Variants in KIF6 observed in about 807,000 individuals in gnomAD.
The protein encoded by KIF6 is kinesin-like protein KIF6.
In KIF6, 106 loss-of-function variants were observed where a neutral mutation model predicts 112.7. That is an observed-to-expected ratio of 0.94 (90% confidence interval 0.80 to 1.11). The LOEUF (loss-of-function observed/expected upper bound fraction) is 1.11. Ranked by LOEUF, KIF6 falls within the 50% of genes least tolerant of loss-of-function variation. The pLI is 0.00. For synonymous variants in KIF6, 339 were observed against 339.9 expected (o/e 1.00, Z 0.03); for missense variants, 929 against 964.0 (o/e 0.96, Z 0.48).
Position 39,648,064 on chromosome 6 carries a change from A to G in KIF6, c.252-8307T>C, listed in dbSNP as rs371209636. On this transcript the variant is annotated intron_variant, in intron 3 of 22. Transcript: ENST00000287152. ...TTTGAGACAGAGTCTTACTCTGTCC[A>G]CCAGGCTGGAGTGCAGTGGCATGAT... Among the ~76,000 whole-genome samples, 311 of 139,760 alleles carry G rather than the reference A, an allele frequency of 2.2e-3. 1 individual carries two copies. Among genetic ancestry groups the G allele is most frequent in the African/African-American group, 7.6e-3 (285 of 37,256 alleles). 91.7% of individuals were successfully genotyped at this position (139,760 alleles called of 152,430 possible).
intron 7 of KIF6, among the ~76,000 whole-genome samples, chr6:39,592,534 G>C (rs768057562): frequency 2.0e-4 from 31 of 152,172 alleles, no homozygotes; most frequent in Non-Finnish European, 3.1e-4. Context: ...TTCCATAGCA[G>C]TACAGAGCAA....
intron 9 of KIF6, among the ~76,000 whole-genome samples, chr6:39,580,707 C>A (rs1781239271): frequency 6.6e-6 from 1 of 152,010 alleles, no homozygotes; most frequent in South Asian, 2.1e-4. Context: ...TTAGTATAAA[C>A]CATCTCAGGC....
chr6:39,338,932 T>C (rs1345461508), intron 22 of KIF6, among the ~76,000 whole-genome samples: 2 of 116,530 alleles, frequency 1.7e-5, no homozygotes, highest in Admixed American at 2.7e-4. Context: ...CACACTTGCA[T>C]GCAGTAATGA....
chr6:39,429,525 G>A lies in KIF6; in HGVS notation c.1754+1528C>T, dbSNP rs78155809. On this transcript the variant is annotated intron_variant, in intron 14 of 22. Coordinates refer to ENST00000287152, the MANE Select transcript of KIF6 (RefSeq NM_145027.6). ...TTTCTCTACCTTTCTCTTACCATTA[G>A]CTTATTCTGTGGCCTATAATATTAG... is the stretch of plus-strand genomic sequence containing the variant. 2.6e-4 allele frequency among the ~76,000 whole-genome samples: 40 copies of A among 152,172 alleles called. No homozygotes were observed. In the East Asian group the frequency reaches 5.6e-3, roughly 21 times the overall value.
chr6:39,380,791 C>A (rs1766868428), intron 16 of KIF6, among the ~76,000 whole-genome samples: 1 of 152,172 alleles, frequency 6.6e-6, no homozygotes, highest in African/African-American at 2.4e-5. Flanking sequence ...AGTGTTCCCA[C>A]CACACAGATA....
chr6:39,577,048 T>C (rs1218231169), intron 10 of KIF6, among the ~76,000 whole-genome samples: 1 of 152,240 alleles, frequency 6.6e-6, no homozygotes, highest in East Asian at 1.9e-4. Context: ...CATAAAACTT[T>C]TTTTAAAGTG....
chr6:39,682,013 C>A (rs1787548494), intron 3 of KIF6, among the ~76,000 whole-genome samples: 1 of 152,138 alleles, frequency 6.6e-6, no homozygotes, highest in African/African-American at 2.4e-5. Context: ...TTACTCATTC[C>A]ACAGATATTT....
At chr6:39,460,536 T>TAAAAAAAAAAAAAAAAAAAAAAAA (rs759528125) in intron 13 of KIF6, among the ~76,000 whole-genome samples, 68 of 57,018 alleles carry the variant, frequency 1.2e-3, no homozygotes, top group Non-Finnish European at 1.6e-3. Flanking sequence ...AAAAAAAAAG[T>TAAAAAAAAAAAAAAAAAAAAAAAA]AAAAAAAAAA....
intron 19 of KIF6, 111 bp downstream of exon 19, chr6:39,357,166 G>C: frequency 6.0e-6 from 4 of 668,678 alleles, no homozygotes; most frequent in Non-Finnish European, 1.0e-5. Flanking sequence ...AATTAATCCT[G>C]CTGGATCATA....
intron 3 of KIF6, among the ~76,000 whole-genome samples, chr6:39,703,026 C>G (rs1295769488): frequency 1.6e-5 from 2 of 125,440 alleles, no homozygotes; most frequent in Admixed American, 1.7e-4. Flanking sequence ...TTTCCCAACT[C>G]CACCCCACCC....
chr6:39,481,019 A>G (rs930269226), intron 13 of KIF6, among the ~76,000 whole-genome samples: 1 of 151,912 alleles, frequency 6.6e-6, no homozygotes, highest in Non-Finnish European at 1.5e-5. Flanking sequence ...CTTTTGTTTC[A>G]TTTATCTTTT....
intron 13 of KIF6, among the ~76,000 whole-genome samples, chr6:39,535,713 C>T (rs1393917287): frequency 6.6e-6 from 1 of 152,162 alleles, no homozygotes; most frequent in East Asian, 1.9e-4. Context: ...CCAAGTGGAC[C>T]TAATAGACAT....
At chr6:39,449,774 A>T (rs149692006) in intron 13 of KIF6, among the ~76,000 whole-genome samples, 1 of 152,256 alleles carries the variant, frequency 6.6e-6, no homozygotes, top group East Asian at 1.9e-4. Flanking sequence ...AGATTGGCAC[A>T]CCTGCCTGCC....
At chr6:39,523,547 AC>A (rs1777515232) in intron 13 of KIF6, among the ~76,000 whole-genome samples, 1 of 150,052 alleles carries the variant, frequency 6.7e-6, no homozygotes, top group South Asian at 2.1e-4. Context: ...TTGCAACATC[AC>A]AGACCCTCTG....
At chr6:39,538,288 C>A (rs9767229) in intron 13 of KIF6, among the ~76,000 whole-genome samples, 148,383 of 150,158 alleles carry the variant, frequency 0.99, 73,325 homozygotes, top group Middle Eastern at 1. Context: ...CAACCTACAA[C>A]ATGGGAGAAA....
intron 3 of KIF6, among the ~76,000 whole-genome samples, chr6:39,682,466 T>C (rs1452135224): frequency 1.3e-5 from 2 of 152,244 alleles, no homozygotes; most frequent in Non-Finnish European, 2.9e-5. Flanking sequence ...TATAATCTCA[T>C]GGGATAACTT....
chr6:39,440,389 C>G (rs1018291277), intron 13 of KIF6, among the ~76,000 whole-genome samples: 3 of 152,002 alleles, frequency 2.0e-5, no homozygotes, highest in African/African-American at 7.3e-5. Context: ...GAGGTGCATA[C>G]AAGAATGAGA....
At chr6:39,596,289 T>C in intron 6 of KIF6, 29 bp from the exon 7 acceptor site, 1 of 1,415,018 alleles carries the variant, frequency 7.1e-7, no homozygotes, top group Non-Finnish European at 1.0e-6. Flanking sequence ...ACAAAAATTA[T>C]TTGAACAATG....
At chr6:39,427,660 T>C (rs1302131551) in intron 14 of KIF6, among the ~76,000 whole-genome samples, 1 of 152,200 alleles carries the variant, frequency 6.6e-6, no homozygotes, top group East Asian at 1.9e-4. Flanking sequence ...AAAACCTCTT[T>C]TCAGAGGAAA....
Sources: gnomAD v4.1 joint callset for allele counts (sites outside exome capture counted in the v4.1 genomes callset) on GRCh38, gnomAD v4.1.1 for gene constraint, MANE v1.5 for transcripts, NCBI Gene and HGNC (gene_info 2026-07-23, HGNC 2026-07-21) for gene names.